The following KHDC3L variants were observed in gnomAD, a reference collection of about 807,000 sequenced individuals.
KHDC3L encodes the protein KH domain containing 3 like, subcortical maternal complex member, also known as KH domain-containing protein 3.
Under a neutral mutation model 11.4 loss-of-function variants are expected in KHDC3L, and 6 were observed. The observed-to-expected ratio is 0.52, with a 90% CI of 0.29 to 1.03. The LOEUF (loss-of-function observed/expected upper bound fraction) is 1.03, where lower values mean the gene tolerates loss of function less well. Among genes scored for constraint, KHDC3L ranks in the 50% least tolerant of loss-of-function variants. The probability of loss-of-function intolerance (pLI) is 0.09; values close to 1 mark genes in which losing one functional copy is unlikely to be tolerated. For synonymous variants in KHDC3L, 127 were observed against 120.9 expected, an observed-to-expected ratio of 1.05 and a Z score of -0.33; for missense variants, 293 against 290.4, an observed-to-expected ratio of 1.01 and a Z score of -0.07.
At position 73,363,794 on chromosome 6, in the gene KHDC3L, A is replaced by G; in HGVS notation, c.588A>G (p.Glu196=). The G allele has an allele frequency of 6.2e-7, 1 of 1,612,678 alleles. No individual in the cohort carries two copies. Among genetic ancestry groups the G allele is most frequent in the Non-Finnish European group, 8.5e-7 (1 of 1,179,634 alleles). ...ANKSGTQRSP[E]AASKAVTQRF... is the part of the protein sequence containing the mutation. Reference sequence around the variant, plus strand: ...AGTCGGGGACCCAGCGATCCCCCGAAGCTGCCAGCAAGGCAGTGACCCAGC... The same window carrying G: ...AGTCGGGGACCCAGCGATCCCCCGAGGCTGCCAGCAAGGCAGTGACCCAGC... The change falls in exon 3 of 3, where the codon GAA becomes GAG. Residue 196 remains glutamate (E), a synonymous_variant. Coordinates refer to ENST00000370367, the MANE Select transcript of KHDC3L (RefSeq NM_001017361.3).
In KHDC3L at chr6:73,363,900, A is replaced by G. The variant is rs1356276799; in HGVS notation, c.*40A>G. 1.3e-6 allele frequency: 2 copies of G among 1,591,242 alleles called. No individual in the cohort carries two copies. The highest frequency in any genetic ancestry group is 3.3e-5 in the Admixed American group (2 of 59,918). ...CTGGAGCCAGAGCCAGTCAGGGGTT[A>G]AAGTGAAAGCCCGTATTTCCGCCCA... On this transcript the variant is annotated 3_prime_UTR_variant, in exon 3 of 3. Coordinates refer to ENST00000370367, the MANE Select transcript of KHDC3L (RefSeq NM_001017361.3).
rs1376501368 is a variant in KHDC3L, at chr6:73,362,735, C to A, written c.6C>A (p.Asp2Glu). 3.7e-6 allele frequency: 6 copies of A among 1,613,962 alleles called. No homozygotes were observed. The highest frequency in any genetic ancestry group is 5.1e-6 in the Non-Finnish European group (6 of 1,180,026). Reference protein sequence around the residue: MDAPRRFPTLVQ... With the variant: MEAPRRFPTLVQ... ...CCTGCAGGACCGGCCGCAGCATGGA[C>A]GCTCCCAGGCGGTTTCCGACGCTCG... The change falls in exon 1 of 3, where the codon GAC becomes GAA. Residue 2 changes from aspartate (D) to glutamate (E), a missense_variant. Coordinates refer to ENST00000370367, the MANE Select transcript of KHDC3L (RefSeq NM_001017361.3).
chr6:73,362,715 A>T lies in KHDC3L; in HGVS notation c.-15A>T. 1 of 1,613,842 alleles carries T rather than the reference A, an allele frequency of 6.2e-7. No individual in the cohort carries two copies. The highest frequency in any genetic ancestry group is 8.5e-7 in the Non-Finnish European group (1 of 1,179,934). On this transcript the variant is annotated 5_prime_UTR_variant, in exon 1 of 3. Coordinates refer to ENST00000370367, the MANE Select transcript of KHDC3L (RefSeq NM_001017361.3). ...TTGCTGTGGTGTCCTTGTCTCCTGC[A>T]GGACCGGCCGCAGCATGGACGCTCC... is the stretch of plus-strand genomic sequence containing the variant.
rs747220627 is a variant in KHDC3L at position 73,363,130 on chromosome 6, A to T, written c.205A>T (p.Met69Leu). The T allele has an allele frequency of 6.2e-7, 1 of 1,614,148 alleles. No homozygotes were observed. Among genetic ancestry groups the T allele is most frequent in the Admixed American group, 1.7e-5 (1 of 60,018 alleles). The change falls in exon 2 of 3, where the codon ATG becomes TTG. Residue 69 changes from methionine to leucine, a missense_variant. Coordinates refer to ENST00000370367, the MANE Select transcript of KHDC3L (RefSeq NM_001017361.3). ...AGAACGCATCCCGCACGTCCAGGGT[A>T]TGTCCCAAATCTTGATTCACGTGAA... is the stretch of plus-strand genomic sequence containing the variant. ...GGERIPHVQG[M>L]SQILIHVNRL...
intron 2 of KHDC3L, 40 bp downstream of exon 2, chr6:73,363,314 G>A (rs1201260652): frequency 6.2e-7 from 1 of 1,608,950 alleles, no homozygotes; most frequent in Non-Finnish European, 8.5e-7. Flanking sequence ...GCAAACCCTG[G>A]CTCCGTAGGA....
chr6:73,364,032 G>A lies in KHDC3L; in HGVS notation c.*172G>A, dbSNP rs1403769957. 67 of 697,096 alleles carry A rather than the reference G, an allele frequency of 9.6e-5. No homozygotes were observed. In the Middle Eastern group the frequency reaches 1.5e-3, roughly 16 times the overall value. The allele number at this position is 697,096 out of a possible 1,614,324, so 43.2% of individuals were successfully genotyped here. On this transcript the variant is annotated 3_prime_UTR_variant, in exon 3 of 3. Transcript: ENST00000370367. ...ATAAAGAATTGCAAAGTGGAAGCCC[G>A]CCCCCCGCCTCCCCCCCGCCTCACT...
chr6:73,363,446 T>G, intron 2 of KHDC3L, 110 bp from the exon 3 acceptor site: 1 of 1,458,744 alleles, frequency 6.9e-7, no homozygotes, highest in Admixed American at 1.7e-5. Context: ...AATTGAACCC[T>G]CGTTCTGGGA....
chr6:73,363,335 G>T, intron 2 of KHDC3L, 61 bp downstream of exon 2: 2 of 1,594,072 alleles, frequency 1.3e-6, no homozygotes, highest in African/African-American at 2.7e-5. Context: ...GTGATCCTGG[G>T]GTTTCCTGGC....
At chr6:73,363,474 C>G (rs17812468) in intron 2 of KHDC3L, 82 bp from the exon 3 acceptor site, 145,636 of 1,528,228 alleles carry the variant, frequency 0.095, 7,651 homozygotes, top group South Asian at 0.15. Flanking sequence ...CTCCTACTCC[C>G]GCAGGCCGCT....
rs1315019083 is a variant in KHDC3L at position 73,362,976 on chromosome 6, CG to C, written c.169+79del. The C allele has an allele frequency of 4.4e-6, 7 of 1,604,010 alleles. No individual in the cohort carries two copies. In the Admixed American group the frequency reaches 1.2e-4, roughly 27 times the overall value. Reference sequence around the variant, plus strand: ...ACCCACAGCCCACATATTCTGGCTGCGTTCCAGGGCGATCCTCACCAGTAGC... The same window carrying C: ...ACCCACAGCCCACATATTCTGGCTGCTTCCAGGGCGATCCTCACCAGTAGC... On this transcript the variant is annotated intron_variant, in intron 1 of 2. Transcript: ENST00000370367.
rs759484258 is a variant in KHDC3L at position 73,363,612 on chromosome 6, T to A, written c.406T>A (p.Ser136Thr). The change falls in exon 3 of 3, where the codon TCT becomes ACT. Residue 136 changes from serine to threonine, a missense_variant. Physicochemically the swap from Ser to Thr is moderately conservative, Grantham distance 58. Transcript: ENST00000370367. ...CACTCAGAAGGCCGAGACCCAGCGG[T>A]CTTCAATAGAAGTCCGGGAGGCCGG... ...VATQKAETQR[S>T]SIEVREAGTQ... The A allele has an allele frequency of 1.2e-6, 2 of 1,612,864 alleles. No homozygotes were observed. Among genetic ancestry groups the A allele is most frequent in the Non-Finnish European group, 1.7e-6 (2 of 1,179,918 alleles).
Position 73,363,989 on chromosome 6 carries a change from A to G in KHDC3L, c.*129A>G, listed in dbSNP as rs1224119738. Reference sequence around the variant, plus strand: ...TACCCTTTCTGTTGCATGGTTGCAAACACAAACTTGAGTTCTAATAAAGAA... The same window carrying G: ...TACCCTTTCTGTTGCATGGTTGCAAGCACAAACTTGAGTTCTAATAAAGAA... On this transcript the variant is annotated 3_prime_UTR_variant, in exon 3 of 3. Transcript: ENST00000370367. 2.0e-6 allele frequency: 2 copies of G among 996,892 alleles called. No homozygotes were observed. The highest frequency in any genetic ancestry group is 3.2e-5 in the African/African-American group (2 of 62,498). The allele number at this position is 996,892 out of a possible 1,614,324, so 61.8% of individuals were successfully genotyped here.
At position 73,362,681 on chromosome 6, in the gene KHDC3L, C is replaced by T; in HGVS notation, c.-49C>T. 6.2e-7 allele frequency: 1 copy of T among 1,603,860 alleles called. No homozygotes were observed. Among genetic ancestry groups the T allele is most frequent in the Non-Finnish European group, 8.5e-7 (1 of 1,173,362 alleles). On this transcript the variant is annotated 5_prime_UTR_variant, in exon 1 of 3. Transcript: ENST00000370367. ...TTCTAGTCTCCCAGCTCCAGCTCGG[C>T]CTTTGGGTTTGCTGTGGTGTCCTTG... is the stretch of plus-strand genomic sequence containing the variant.
chr6:73,362,760 G>T lies in KHDC3L; in HGVS notation c.31G>T (p.Val11Leu). 2.5e-6 allele frequency: 4 copies of T among 1,614,184 alleles called. No individual in the cohort carries two copies. Among genetic ancestry groups the T allele is most frequent in the African/African-American group, 1.3e-5 (1 of 75,054 alleles). ...CGCTCCCAGGCGGTTTCCGACGCTC[G>T]TGCAACTGATGCAGCCAAAAGCAAT... MDAPRRFPTL[V>L]QLMQPKAMPV... Residue 11 changes from valine to leucine, a missense_variant, in exon 1 of 3, where the codon GTG (valine) becomes TTG (leucine). Transcript: ENST00000370367.
chr6:73,363,894 G>T lies in KHDC3L; in HGVS notation c.*34G>T. On this transcript the variant is annotated 3_prime_UTR_variant, in exon 3 of 3. Transcript: ENST00000370367. Reference sequence around the variant, plus strand: ...CAGGCCCTGGAGCCAGAGCCAGTCAGGGGTTAAAGTGAAAGCCCGTATTTC... The same window carrying T: ...CAGGCCCTGGAGCCAGAGCCAGTCATGGGTTAAAGTGAAAGCCCGTATTTC... 6.3e-7 allele frequency: 1 copy of T among 1,598,892 alleles called. No homozygotes were observed. The highest frequency in any genetic ancestry group is 8.5e-7 in the Non-Finnish European group (1 of 1,176,892).
In KHDC3L at chr6:73,362,676, C is replaced by G; in HGVS notation, c.-54C>G. Reference sequence around the variant, plus strand: ...CGCGGTTCTAGTCTCCCAGCTCCAGCTCGGCCTTTGGGTTTGCTGTGGTGT... The same window carrying G: ...CGCGGTTCTAGTCTCCCAGCTCCAGGTCGGCCTTTGGGTTTGCTGTGGTGT... On this transcript the variant is annotated 5_prime_UTR_variant, in exon 1 of 3. Transcript: ENST00000370367. The G allele has an allele frequency of 1.3e-6, 2 of 1,591,468 alleles. No homozygotes were observed. Among genetic ancestry groups the G allele is most frequent in the Non-Finnish European group, 1.7e-6 (2 of 1,163,954 alleles).
rs532735031 is a variant in KHDC3L at position 73,364,078 on chromosome 6, G to A, written c.*218G>A. On this transcript the variant is annotated 3_prime_UTR_variant, in exon 3 of 3. Coordinates refer to ENST00000370367, the MANE Select transcript of KHDC3L (RefSeq NM_001017361.3). ...TCACTTAAGTCCAGGAAGCTGGGGTGGCGAGGAAGGATGATGTGGATTGTT... is the reference window on the plus strand; with the variant it reads ...TCACTTAAGTCCAGGAAGCTGGGGTAGCGAGGAAGGATGATGTGGATTGTT... 419 of 612,868 alleles carry A rather than the reference G, an allele frequency of 6.8e-4. 1 individual carries two copies. Among genetic ancestry groups the A allele is most frequent in the African/African-American group, 6.7e-3 (363 of 54,334 alleles). The allele number at this position is 612,868 out of a possible 1,614,324, so 38.0% of individuals were successfully genotyped here.
Position 73,363,219 on chromosome 6 carries a change from C to A in KHDC3L, c.294C>A (p.Asp98Glu), listed in dbSNP as rs1173042105. 1 of 1,614,068 alleles carries A rather than the reference C, an allele frequency of 6.2e-7. No homozygotes were observed. Among genetic ancestry groups the A allele is most frequent in the African/African-American group, 1.3e-5 (1 of 74,914 alleles). Residue 98 changes from aspartate to glutamate, a missense_variant, in exon 2 of 3, where the codon GAC (aspartate) becomes GAA (glutamate). Physicochemically the swap from Asp to Glu is conservative, Grantham distance 45 (BLOSUM62 2). Transcript: ENST00000370367. ...TTGGGAGGCCTTCTTACCAGGAGGA[C>A]ACAATCAAGATGATCATGAACCTGG... ...LVFGRPSYQE[D>E]TIKMIMNLAD...
Position 73,363,615 on chromosome 6 carries a change from T to C in KHDC3L, c.409T>C (p.Ser137Pro). ...TCAGAAGGCCGAGACCCAGCGGTCT[T>C]CAATAGAAGTCCGGGAGGCCGGGAC... ...ATQKAETQRS[S>P]IEVREAGTQR... The change falls in exon 3 of 3, where the codon TCA becomes CCA. Residue 137 changes from serine to proline, a missense_variant. Transcript: ENST00000370367. 1 of 1,613,398 alleles carries C rather than the reference T, an allele frequency of 6.2e-7. No individual in the cohort carries two copies.
Sources: allele counts gnomAD v4.1 joint callset, GRCh38; gene constraint gnomAD v4.1.1; transcripts MANE v1.5; gene names NCBI Gene and HGNC (gene_info 2026-07-23, HGNC 2026-07-21).